TENM3: variants seen among roughly 807,000 people sequenced by gnomAD.
TENM3 encodes the protein teneurin-3.
A neutral mutation model predicts 255.1 loss-of-function variants in TENM3; 63 were observed. The observed-to-expected ratio is 0.25, with a 90% CI of 0.20 to 0.30. The LOEUF is 0.30. Ranked by LOEUF, TENM3 falls within the 10% of genes least tolerant of loss-of-function variation. The pLI is 1.00. For missense variants in TENM3, 2,929 were observed against 3,461.1 expected (o/e 0.85, Z 3.86); for synonymous variants, 1,306 against 1,322.3 (o/e 0.99, Z 0.27).
the TENM3 span, among the ~76,000 whole-genome samples, chr4:181,882,592 C>T: frequency 6.6e-6 from 1 of 152,160 alleles, no homozygotes; most frequent in South Asian, 2.1e-4. Flanking sequence ...CTTTGACCCT[C>T]GTTAGTTAGA....
intron 3 of TENM3, among the ~76,000 whole-genome samples, chr4:182,378,522 G>T (rs569134785): frequency 6.6e-6 from 1 of 152,218 alleles, no homozygotes; most frequent in Admixed American, 6.5e-5. Flanking sequence ...GGGACAGAAC[G>T]AACAAGTTAG....
chr4:182,335,573 A>G (rs1460680044), intron 2 of TENM3, among the ~76,000 whole-genome samples: 1 of 151,388 alleles, frequency 6.6e-6, no homozygotes, highest in African/African-American at 2.4e-5. Flanking sequence ...GGTGGCAAGA[A>G]GAAAGTGGTT....
At position 182,346,827 on chromosome 4, in the gene TENM3, A is replaced by AG. The variant is rs974563987; in HGVS notation, c.415dup (p.Val139GlyfsTer31). 6 of 1,613,266 alleles carry AG rather than the reference A, an allele frequency of 3.7e-6. No individual in the cohort carries two copies. In the Admixed American group the frequency reaches 5.0e-5, roughly 13 times the overall value. On this transcript the variant is annotated frameshift_variant, in exon 3 of 28. Coordinates refer to ENST00000511685, the MANE Select transcript of TENM3 (RefSeq NM_001080477.4). LOFTEE classifies it high-confidence loss of function. The stretch of plus-strand genomic sequence containing the variant: ...AGAGCATGCCATGAGACTTTGGGGC[A>AG]GGGGGGTCAAATCAGGCCGCAGCTC...
the TENM3 span, among the ~76,000 whole-genome samples, chr4:182,014,549 A>G: frequency 6.6e-6 from 1 of 152,192 alleles, no homozygotes; most frequent in Admixed American, 6.5e-5. Flanking sequence ...CCTAGGAGAA[A>G]AACAAAAAAC....
At chr4:181,738,844 T>C in the TENM3 span, among the ~76,000 whole-genome samples, 1 of 152,118 alleles carries the variant, frequency 6.6e-6, no homozygotes, top group Non-Finnish European at 1.5e-5. Flanking sequence ...TTTTAATCAA[T>C]AATGTATCTA....
chr4:181,860,895 G>A, the TENM3 span, among the ~76,000 whole-genome samples: 3 of 152,020 alleles, frequency 2.0e-5, no homozygotes, highest in African/African-American at 7.2e-5. Context: ...AATATTTGGA[G>A]GCACACAAGT....
At chr4:182,427,321 G>A (rs1771297927) in intron 3 of TENM3, among the ~76,000 whole-genome samples, 1 of 152,116 alleles carries the variant, frequency 6.6e-6, no homozygotes, top group African/African-American at 2.4e-5. Context: ...GAATACAGAG[G>A]GAAAACTTTA....
At chr4:182,298,435 A>G (rs185058042) in intron 1 of TENM3, among the ~76,000 whole-genome samples, 2 of 152,290 alleles carry the variant, frequency 1.3e-5, no homozygotes, top group African/African-American at 4.8e-5. Context: ...TGGATGCCCC[A>G]CCTACAGTGG....
intron 24 of TENM3, 143 bp downstream of exon 24, chr4:182,775,296 T>C: frequency 4.0e-6 from 3 of 758,136 alleles, no homozygotes; most frequent in South Asian, 1.8e-5. Flanking sequence ...CAATCCCACA[T>C]GGGCCTGTTC....
chr4:181,873,441 A>G, the TENM3 span, among the ~76,000 whole-genome samples: 3 of 152,056 alleles, frequency 2.0e-5, no homozygotes, highest in Admixed American at 1.3e-4. Flanking sequence ...ATTTTTATTC[A>G]TGGTGTTTTT....
At chr4:181,527,868 T>C in the TENM3 span, among the ~76,000 whole-genome samples, 1 of 152,106 alleles carries the variant, frequency 6.6e-6, no homozygotes, top group East Asian at 1.9e-4. Context: ...AAGCAGTTTG[T>C]AAATTACCTC....
chr4:182,278,037 C>G lies in TENM3; in HGVS notation c.-76+34561C>G, dbSNP rs188868612. On this transcript the variant is annotated intron_variant, in intron 1 of 27. Transcript: ENST00000511685. ...CTTTTGCCATTGATATTTTTCCATG[C>G]AGACCAGAACTGAGAAGTAATTAAC... Among the ~76,000 whole-genome samples the G allele has an allele frequency of 3.3e-5, 5 of 152,282 alleles. No individual in the cohort carries two copies. In the East Asian group the frequency reaches 9.7e-4, roughly 29 times the overall value.
chr4:181,848,572 C>G, the TENM3 span, among the ~76,000 whole-genome samples: 1 of 152,088 alleles, frequency 6.6e-6, no homozygotes, highest in East Asian at 1.9e-4. Context: ...AAGCTGAGTG[C>G]TTTTACCGTG....
the TENM3 span, among the ~76,000 whole-genome samples, chr4:181,535,984 T>TA: frequency 2.6e-5 from 4 of 151,924 alleles, no homozygotes; most frequent in African/African-American, 7.3e-5. Flanking sequence ...ATTTCCCTAA[T>TA]AAAAAAAATT....
the TENM3 span, among the ~76,000 whole-genome samples, chr4:181,611,805 C>T: frequency 2.0e-5 from 3 of 152,328 alleles, no homozygotes; most frequent in East Asian, 3.9e-4. Context: ...GTACAGAAGG[C>T]ACAGAGACAT....
intron 1 of TENM3, among the ~76,000 whole-genome samples, chr4:182,302,994 A>G (rs925614588): frequency 1.3e-5 from 2 of 151,954 alleles, no homozygotes; most frequent in Non-Finnish European, 2.9e-5. Context: ...CAGTCATCGA[A>G]GTGGAAATTT....
At chr4:182,284,852 G>A (rs1414646315) in intron 1 of TENM3, among the ~76,000 whole-genome samples, 1 of 152,184 alleles carries the variant, frequency 6.6e-6, no homozygotes, top group Non-Finnish European at 1.5e-5. Flanking sequence ...TAGTCCAAAT[G>A]TCTGATTCTA....
At chr4:182,450,922 A>T (rs1304161162) in intron 3 of TENM3, among the ~76,000 whole-genome samples, 1 of 152,194 alleles carries the variant, frequency 6.6e-6, no homozygotes, top group Non-Finnish European at 1.5e-5. Flanking sequence ...AAAAGATAGA[A>T]AGGCGCATTC....
chr4:182,158,987 G>T (rs11937519), intron 1 of TENM3, among the ~76,000 whole-genome samples: 42,579 of 152,068 alleles, frequency 0.28, 6,466 homozygotes, highest in Admixed American at 0.37. Flanking sequence ...ACCAAGTTGG[G>T]CTCCGAAATT....
Sources: gnomAD v4.1 joint callset for allele counts (sites outside exome capture counted in the v4.1 genomes callset) on GRCh38, gnomAD v4.1.1 for gene constraint, MANE v1.5 for transcripts, NCBI Gene and HGNC (gene_info 2026-07-23, HGNC 2026-07-21) for gene names.